Variants in CMSS1 observed in about 807,000 individuals in gnomAD.
The protein encoded by CMSS1 is protein CMSS1.
Under a neutral mutation model 43.5 loss-of-function variants are expected in CMSS1, and 33 were observed. The observed-to-expected ratio is 0.76, with a 90% CI of 0.57 to 1.01. The LOEUF is 1.01. CMSS1 is among the 50% of genes least tolerant of loss of function. The pLI is 0.00. For synonymous variants in CMSS1, 115 were observed against 117.2 expected (o/e 0.98, Z 0.12); for missense variants, 313 against 326.4 (o/e 0.96, Z 0.32).
chr3:100,018,995 A>G (rs987229903), intron 1 of CMSS1, among the ~76,000 whole-genome samples: 7 of 152,212 alleles, frequency 4.6e-5, no homozygotes, highest in African/African-American at 1.7e-4. Context: ...CCACAGTGAA[A>G]CATCACTCAC....
chr3:99,848,798 T>G, intron 1 of CMSS1: 1 of 1,614,216 alleles, frequency 6.2e-7, no homozygotes, highest in Non-Finnish European at 8.5e-7. Context: ...GTAGAGGTTT[T>G]GGACTTTACT....
chr3:99,941,581 G>A (rs1239503504), intron 1 of CMSS1, among the ~76,000 whole-genome samples: 1 of 152,082 alleles, frequency 6.6e-6, no homozygotes, highest in Non-Finnish European at 1.5e-5. Flanking sequence ...GTCAACTGTG[G>A]GTATGCATCA....
intron 1 of CMSS1, among the ~76,000 whole-genome samples, chr3:100,070,353 GT>G (rs1201169377): frequency 2.6e-5 from 4 of 152,070 alleles, no homozygotes; most frequent in African/African-American, 9.7e-5. Flanking sequence ...TGAAATGACT[GT>G]TTGATCTCTT....
At chr3:99,938,150 A>G (rs1335449696) in intron 1 of CMSS1, among the ~76,000 whole-genome samples, 1 of 152,146 alleles carries the variant, frequency 6.6e-6, no homozygotes, top group East Asian at 1.9e-4. Flanking sequence ...CTTACTGGAA[A>G]TCTCCATTTA....
chr3:100,125,474 T>C (rs1054906380), intron 1 of CMSS1, among the ~76,000 whole-genome samples: 2 of 152,246 alleles, frequency 1.3e-5, no homozygotes, highest in Admixed American at 1.3e-4. Context: ...TTGGAAGTTA[T>C]AGCTGAGCAA....
chr3:99,898,989 C>T (rs1706351522), intron 1 of CMSS1, among the ~76,000 whole-genome samples: 2 of 151,898 alleles, frequency 1.3e-5, no homozygotes, highest in South Asian at 4.2e-4. Flanking sequence ...ATTTCTGTTG[C>T]TAGTTTCATC....
At chr3:100,068,768 C>T (rs1218245442) in intron 1 of CMSS1, among the ~76,000 whole-genome samples, 8 of 152,282 alleles carry the variant, frequency 5.3e-5, no homozygotes, top group Non-Finnish European at 1.5e-5. Flanking sequence ...GCTGGGAATA[C>T]AGGCGCCCAC....
chr3:100,035,814 T>C (rs775507212), intron 1 of CMSS1, among the ~76,000 whole-genome samples: 15 of 152,218 alleles, frequency 9.9e-5, no homozygotes, highest in Non-Finnish European at 1.8e-4. Flanking sequence ...CATCAACTCA[T>C]GGCCAACTTT....
chr3:99,971,973 A>T (rs1025663103), intron 1 of CMSS1, among the ~76,000 whole-genome samples: 2 of 152,258 alleles, frequency 1.3e-5, no homozygotes, highest in Non-Finnish European at 2.9e-5. Flanking sequence ...TGGATTAGTC[A>T]TAAAATTAGC....
rs1051217271 is a variant in CMSS1 at position 100,180,130 on chromosome 3, G to A, written c.*1742G>A. ...GCTGCACAGAGCAGCTGGGCCCAGG[G>A]CCTAGCCCACGAAACCATTTTTTTC... On this transcript the variant is annotated 3_prime_UTR_variant, in exon 10 of 10. Coordinates refer to ENST00000421999, the MANE Select transcript of CMSS1 (RefSeq NM_032359.4). The A allele has an allele frequency of 7.0e-6, 1 of 142,514 alleles. No individual in the cohort carries two copies. Among genetic ancestry groups the A allele is most frequent in the Non-Finnish European group, 1.5e-5 (1 of 65,498 alleles). 8.8% of individuals were successfully genotyped at this position (142,514 alleles called of 1,614,324 possible).
intron 1 of CMSS1, among the ~76,000 whole-genome samples, chr3:99,940,938 T>C (rs1707832280): frequency 6.6e-6 from 1 of 152,236 alleles, no homozygotes; most frequent in Non-Finnish European, 1.5e-5. Context: ...AGAGAAGATG[T>C]TGCAACTCTT....
intron 1 of CMSS1, among the ~76,000 whole-genome samples, chr3:99,896,097 CTT>C (rs1383373296): frequency 2.0e-5 from 3 of 151,400 alleles, no homozygotes; most frequent in Non-Finnish European, 4.4e-5. Context: ...GTGGAATAAA[CTT>C]TTAGAAAAAA....
At chr3:99,930,658 T>G in intron 1 of CMSS1, 1 of 1,164,192 alleles carries the variant, frequency 8.6e-7, no homozygotes, top group Non-Finnish European at 1.2e-6. Flanking sequence ...TTTGCTTTCA[T>G]GTACACACAT....
chr3:99,897,832 A>G (rs915331485), intron 1 of CMSS1, among the ~76,000 whole-genome samples: 4 of 152,244 alleles, frequency 2.6e-5, no homozygotes, highest in African/African-American at 4.8e-5. Context: ...AGAATCTCCT[A>G]TAGTGTGTCA....
intron 1 of CMSS1, among the ~76,000 whole-genome samples, chr3:99,857,172 T>C (rs1944007133): frequency 6.6e-6 from 1 of 150,786 alleles, no homozygotes; most frequent in South Asian, 2.1e-4. Context: ...AGTAGTTTTA[T>C]TCACTATTTA....
chr3:99,830,593 A>G (rs116699317), intron 1 of CMSS1: 11 of 456,622 alleles, frequency 2.4e-5, no homozygotes, highest in East Asian at 6.9e-5. Context: ...CTCTGCTTGC[A>G]TACCTCCTTG....
intron 1 of CMSS1, among the ~76,000 whole-genome samples, chr3:99,863,757 A>G (rs1459960736): frequency 1.3e-5 from 2 of 152,214 alleles, no homozygotes; most frequent in East Asian, 3.8e-4. Context: ...CTCTTACCAC[A>G]TCGTTCATCT....
At chr3:99,830,623 AACAAAAGGTAATTAATGGT>A (rs1942641708) in intron 1 of CMSS1, 1 of 456,292 alleles carries the variant, frequency 2.2e-6, no homozygotes, top group Non-Finnish European at 4.4e-6. Context: ...TAAACAAGAG[AACAAAAGGTAATTAATGGT>A]ACAGTTGGTG....
At chr3:100,146,530 T>G (rs1375222546) in intron 1 of CMSS1, among the ~76,000 whole-genome samples, 1 of 152,222 alleles carries the variant, frequency 6.6e-6, no homozygotes, top group African/African-American at 2.4e-5. Flanking sequence ...GGATTTCATA[T>G]CTGTAAAATC....
Sources: allele counts gnomAD v4.1 joint callset (sites outside exome capture counted in the v4.1 genomes callset), GRCh38; gene constraint gnomAD v4.1.1; transcripts MANE v1.5; gene names NCBI Gene and HGNC (gene_info 2026-07-23, HGNC 2026-07-21).